AFG2A: variants seen among roughly 807,000 people sequenced by gnomAD.
AFG2A encodes the protein ATPase family gene 2 protein homolog A.
the AFG2A span, among the ~76,000 whole-genome samples, chr4:123,180,840 T>A: frequency 6.6e-6 from 1 of 152,092 alleles, no homozygotes; most frequent in Non-Finnish European, 1.5e-5. Flanking sequence ...AGTATCTCTG[T>A]TTTTTTGATA....
the AFG2A span, among the ~76,000 whole-genome samples, chr4:123,218,190 A>G: frequency 6.6e-6 from 1 of 152,314 alleles, no homozygotes; most frequent in Non-Finnish European, 1.5e-5. Flanking sequence ...TATGCTAGTG[A>G]ATCTTACAAA....
chr4:123,056,627 C>T, the AFG2A span, among the ~76,000 whole-genome samples: 2 of 151,964 alleles, frequency 1.3e-5, no homozygotes, highest in African/African-American at 4.8e-5. Context: ...TGCAATACTT[C>T]AGTTTTGTTT....
the AFG2A span, among the ~76,000 whole-genome samples, chr4:123,017,166 GA>G: frequency 7.3e-5 from 1 of 13,702 alleles, no homozygotes; most frequent in Non-Finnish European, 2.3e-4. Context: ...GAGGGAAGGG[GA>G]GAGGGAGAGG....
At chr4:123,251,610 T>C in the AFG2A span, among the ~76,000 whole-genome samples, 1 of 152,278 alleles carries the variant, frequency 6.6e-6, no homozygotes, top group Middle Eastern at 3.4e-3. Context: ...AGATGCTTCA[T>C]AGATCCTTAA....
the AFG2A span, among the ~76,000 whole-genome samples, chr4:123,250,140 C>A: frequency 1.0e-3 from 159 of 152,164 alleles, no homozygotes; most frequent in African/African-American, 3.7e-3. Context: ...TTTGTCTGAA[C>A]AAGTATTTCT....
the AFG2A span, among the ~76,000 whole-genome samples, chr4:122,968,254 T>G: frequency 6.6e-6 from 1 of 152,222 alleles, no homozygotes; most frequent in Admixed American, 6.5e-5. Flanking sequence ...TTTTTTTACT[T>G]GCGCCACACT....
chr4:123,180,992 T>C, the AFG2A span, among the ~76,000 whole-genome samples: 8 of 149,500 alleles, frequency 5.4e-5, no homozygotes, highest in African/African-American at 2.0e-4. Context: ...TTTTTTTTTT[T>C]TTTTTTATTT....
the AFG2A span, among the ~76,000 whole-genome samples, chr4:123,115,740 C>T: frequency 9.9e-5 from 15 of 152,100 alleles, no homozygotes; most frequent in Admixed American, 7.8e-4. Flanking sequence ...CCACCACAGC[C>T]GGTCCCGGCT....
At chr4:123,170,059 A>G in the AFG2A span, among the ~76,000 whole-genome samples, 28 of 152,348 alleles carry the variant, frequency 1.8e-4, no homozygotes, top group Admixed American at 6.5e-4. Flanking sequence ...TAATATTTTT[A>G]GTAGTTACAA....
chr4:123,181,831 G>T, the AFG2A span, among the ~76,000 whole-genome samples: 1 of 152,062 alleles, frequency 6.6e-6, no homozygotes, highest in Non-Finnish European at 1.5e-5. Context: ...CATATGTGAA[G>T]AATTTATGAA....
At chr4:122,925,536 C>T in the AFG2A span, among the ~76,000 whole-genome samples, 2 of 152,166 alleles carry the variant, frequency 1.3e-5, no homozygotes, top group South Asian at 4.1e-4. Context: ...GAGGATGCGC[C>T]ATACCCCCTT....
the AFG2A span, among the ~76,000 whole-genome samples, chr4:123,119,581 T>A: frequency 6.6e-6 from 1 of 152,170 alleles, no homozygotes; most frequent in Non-Finnish European, 1.5e-5. Context: ...TTTTCAAACT[T>A]GTTTATTCTG....
the AFG2A span, among the ~76,000 whole-genome samples, chr4:122,954,859 C>T: frequency 1.3e-5 from 2 of 152,208 alleles, no homozygotes; most frequent in Non-Finnish European, 2.9e-5. Context: ...CCAGACCCTT[C>T]GGTGTTTTTG....
the AFG2A span, among the ~76,000 whole-genome samples, chr4:123,003,955 C>T: frequency 1.3e-5 from 2 of 152,192 alleles, no homozygotes; most frequent in South Asian, 2.1e-4. Context: ...CTGTGGTGGG[C>T]TCCACCCAGT....
At chr4:123,293,378 G>T in the AFG2A span, among the ~76,000 whole-genome samples, 1 of 152,138 alleles carries the variant, frequency 6.6e-6, no homozygotes, top group Non-Finnish European at 1.5e-5. Flanking sequence ...GAAAGTTCTA[G>T]GACTCAAAGG....
At chr4:123,216,449 A>G in the AFG2A span, among the ~76,000 whole-genome samples, 1 of 152,204 alleles carries the variant, frequency 6.6e-6, no homozygotes, top group Non-Finnish European at 1.5e-5. Context: ...TATTGCATAT[A>G]CACTATATCT....
the AFG2A span, among the ~76,000 whole-genome samples, chr4:123,239,117 C>T: frequency 4.0e-5 from 6 of 151,752 alleles, no homozygotes; most frequent in East Asian, 1.9e-4. Flanking sequence ...AGAAATGAAG[C>T]GAGAAGAGAA....
chr4:123,126,837 G>T, the AFG2A span, among the ~76,000 whole-genome samples: 1 of 152,096 alleles, frequency 6.6e-6, no homozygotes, highest in Non-Finnish European at 1.5e-5. Context: ...TTTATTAGCA[G>T]CATGAGAAGG....
the AFG2A span, among the ~76,000 whole-genome samples, chr4:123,256,392 T>G: frequency 6.6e-6 from 1 of 152,198 alleles, no homozygotes; most frequent in African/African-American, 2.4e-5. Context: ...CTCCTATTAT[T>G]TCTCAAAATG....
Sources: gnomAD v4.1 joint callset for allele counts (sites outside exome capture counted in the v4.1 genomes callset) on GRCh38, gnomAD v4.1.1 for gene constraint, MANE v1.5 for transcripts, NCBI Gene and HGNC (gene_info 2026-07-23, HGNC 2026-07-21) for gene names.